The following ARHGEF4 variants were observed in gnomAD, a reference collection of about 807,000 sequenced individuals.
ARHGEF4 encodes the protein APC-stimulated guanine nucleotide exchange factor 1.
ARHGEF4 carries 119 observed loss-of-function variants against 162.0 expected under a neutral mutation model. That is an observed-to-expected ratio of 0.73 (90% CI 0.63 to 0.86). ARHGEF4 has a LOEUF of 0.86. Ranked by LOEUF, ARHGEF4 falls within the 40% of genes least tolerant of loss-of-function variation. The probability of loss-of-function intolerance (pLI) is 0.00; values close to 1 mark genes in which losing one functional copy is unlikely to be tolerated. For synonymous variants in ARHGEF4, 1,014 were observed against 979.9 expected, an observed-to-expected ratio of 1.03 and a Z score of -0.65; for missense variants, 2,488 against 2,456.0, an observed-to-expected ratio of 1.01 and a Z score of -0.28.
intron 1 of ARHGEF4, among the ~76,000 whole-genome samples, chr2:130,876,874 G>T (rs541783679): frequency 6.6e-6 from 1 of 152,256 alleles, no homozygotes; most frequent in South Asian, 2.1e-4. Context: ...TGAAGTAAAG[G>T]CTCAGCAGCT....
chr2:131,038,708 CT>C, intron 5 of ARHGEF4, 144 bp from the exon 6 acceptor site: 1 of 845,580 alleles, frequency 1.2e-6, no homozygotes, highest in Non-Finnish European at 1.8e-6. Context: ...GAAAGCCCTG[CT>C]CCTGTCAGAG....
At chr2:130,887,536 AT>A (rs1679594122) in intron 1 of ARHGEF4, among the ~76,000 whole-genome samples, 3 of 152,034 alleles carry the variant, frequency 2.0e-5, no homozygotes, top group African/African-American at 7.3e-5. Context: ...TGTCTGCAAC[AT>A]TCATCATGAT....
At position 130,917,323 on chromosome 2, in the gene ARHGEF4, T is replaced by G. The variant is rs753771925; in HGVS notation, c.3377T>G (p.Val1126Gly). Residue 1126 changes from valine (V) to glycine (G), a missense_variant, in exon 2 of 14, where the codon GTG becomes GGG. Val to Gly is a moderately radical substitution (Grantham distance 109, BLOSUM62 -3). This residue lies in a region of ARHGEF4 where 1,642 missense variants were observed against 1,481.5 expected (regional missense o/e 1.11). Coordinates refer to ENST00000409359, the MANE Select transcript of ARHGEF4 (RefSeq NM_001367493.1). ...SMVSLGSYSY[V>G]DSSSGDPERP... ...GTTTCTCTTGGAAGCTACAGCTACG[T>G]GGACAGCAGTTCAGGGGACCCTGAA... The G allele has an allele frequency of 1.4e-5, 21 of 1,550,556 alleles. No homozygotes were observed. The South Asian group carries it at 1.8e-4, about 13-fold the overall frequency.
At chr2:131,014,107 T>G (rs1174796027) in intron 4 of ARHGEF4, among the ~76,000 whole-genome samples, 2 of 152,234 alleles carry the variant, frequency 1.3e-5, no homozygotes, top group African/African-American at 4.8e-5. Flanking sequence ...GTTGTATTGA[T>G]TTGCCAAAAC....
At chr2:130,846,794 A>G (rs978460640) in intron 1 of ARHGEF4, among the ~76,000 whole-genome samples, 4 of 152,122 alleles carry the variant, frequency 2.6e-5, no homozygotes, top group African/African-American at 9.7e-5. Context: ...GGTCAGGGCA[A>G]TGCACGTTTG....
At position 131,040,002 on chromosome 2, in the gene ARHGEF4, C is replaced by T. The variant is rs1478645427; in HGVS notation, c.4306-14C>T. On this transcript the variant is annotated splice_polypyrimidine_tract_variant and intron_variant, in intron 6 of 13. Transcript: ENST00000409359. ...AGGGATGCGGGGCACTGACCGGCCA[C>T]GCATGGCCTGCAGCTGAGGGTGAAT... The T allele has an allele frequency of 6.4e-7, 1 of 1,551,288 alleles. No homozygotes were observed. The highest frequency in any genetic ancestry group is 1.4e-5 in the African/African-American group (1 of 73,092).
intron 4 of ARHGEF4, among the ~76,000 whole-genome samples, chr2:130,966,246 C>T (rs778310041): frequency 2.0e-5 from 3 of 152,204 alleles, no homozygotes; most frequent in Admixed American, 6.5e-5. Context: ...AAGACACTCC[C>T]GTGTATGCCT....
chr2:130,914,204 G>A lies in ARHGEF4; in HGVS notation c.258G>A (p.Arg86=). The A allele has an allele frequency of 2.0e-5, 30 of 1,536,040 alleles. No individual in the cohort carries two copies. Among genetic ancestry groups the A allele is most frequent in the Non-Finnish European group, 2.6e-5 (30 of 1,146,894 alleles). The stretch of plus-strand genomic sequence containing the variant: ...AGTCCTTGTCTGGGTACCTCCCGAG[G>A]GGAGTCTTCCACCCTCTAAGAGGTA... ...DTESLSGYLP[R]GVFHPLRGTP... Residue 86 remains arginine, a synonymous_variant, in exon 2 of 14, where the codon AGG becomes AGA. Coordinates refer to ENST00000409359, the MANE Select transcript of ARHGEF4 (RefSeq NM_001367493.1).
chr2:130,906,059 C>T (rs904912249), intron 1 of ARHGEF4, among the ~76,000 whole-genome samples: 6 of 152,184 alleles, frequency 3.9e-5, no homozygotes, highest in Non-Finnish European at 7.3e-5. Context: ...GTCAAGAGCT[C>T]TTTTCAGTTG....
chr2:130,867,929 T>C (rs1682405737), intron 1 of ARHGEF4, among the ~76,000 whole-genome samples: 1 of 147,932 alleles, frequency 6.8e-6, no homozygotes, highest in Admixed American at 6.7e-5. Context: ...TTTTCTTTTT[T>C]TTTTTTCTTT....
At chr2:130,973,826 A>G (rs534671587) in intron 4 of ARHGEF4, among the ~76,000 whole-genome samples, 17 of 152,356 alleles carry the variant, frequency 1.1e-4, no homozygotes, top group South Asian at 6.2e-4. Flanking sequence ...GTGAGAGAAT[A>G]GATGATTTAT....
intron 5 of ARHGEF4, among the ~76,000 whole-genome samples, chr2:131,036,142 G>C (rs888245425): frequency 3.3e-5 from 5 of 152,218 alleles, no homozygotes; most frequent in African/African-American, 1.2e-4. Context: ...AGGTGCAGCT[G>C]TGCCTACGAG....
chr2:130,901,858 C>T (rs1429221687), intron 1 of ARHGEF4, among the ~76,000 whole-genome samples: 3 of 152,176 alleles, frequency 2.0e-5, no homozygotes, highest in African/African-American at 7.2e-5. Context: ...TAAACTCTCA[C>T]ACACAAAGCC....
intron 4 of ARHGEF4, among the ~76,000 whole-genome samples, chr2:130,986,502 G>C (rs1398984394): frequency 6.6e-6 from 1 of 152,206 alleles, no homozygotes; most frequent in Non-Finnish European, 1.5e-5. Context: ...CTAGAAAGCA[G>C]CTCAGAGGGC....
chr2:130,918,072 G>A (rs1033892213), intron 2 of ARHGEF4, among the ~76,000 whole-genome samples: 1 of 151,482 alleles, frequency 6.6e-6, no homozygotes, highest in East Asian at 2.0e-4. Flanking sequence ...CACCCGCCTC[G>A]GCCGGCACTG....
At chr2:131,002,639 G>T (rs1419964942) in intron 4 of ARHGEF4, among the ~76,000 whole-genome samples, 1 of 148,310 alleles carries the variant, frequency 6.7e-6, no homozygotes, top group Non-Finnish European at 1.5e-5. Flanking sequence ...GAACCCGGGA[G>T]GCGGAGCTTG....
intron 9 of ARHGEF4, 86 bp downstream of exon 9, chr2:131,041,548 C>A: frequency 7.2e-7 from 1 of 1,380,772 alleles, no homozygotes; most frequent in Non-Finnish European, 9.9e-7. Context: ...GTGCTGGGCA[C>A]TGCTGCAGCC....
Position 130,916,002 on chromosome 2 carries a change from G to A in ARHGEF4, c.2056G>A (p.Gly686Ser), listed in dbSNP as rs1160280833. 6.4e-7 allele frequency: 1 copy of A among 1,550,492 alleles called. No individual in the cohort carries two copies. Among genetic ancestry groups the A allele is most frequent in the East Asian group, 2.4e-5 (1 of 40,906 alleles). ...TCCCACTAGGGGGAAAACACCAGCC[G>A]GTAATGAGTGTGAGTTGCCAGCAGC... ...ESPTRGKTPA[G>S]NECELPAAPI... The change falls in exon 2 of 14, where the codon GGT (glycine) becomes AGT (serine). Residue 686 changes from glycine (G) to serine (S), a missense_variant. Around this residue, in one of 6 missense-constraint regions of ARHGEF4, gnomAD observed 1,642 missense variants for 1,481.5 expected, o/e 1.11. Transcript: ENST00000409359.
At position 130,914,796 on chromosome 2, in the gene ARHGEF4, C is replaced by G. The variant is rs1236089130; in HGVS notation, c.850C>G (p.Leu284Val). 4.2e-6 allele frequency: 6 copies of G among 1,444,334 alleles called. No homozygotes were observed. Among genetic ancestry groups the G allele is most frequent in the Middle Eastern group, 2.2e-4 (1 of 4,454 alleles). The allele number at this position is 1,444,334 out of a possible 1,614,324, so 89.5% of individuals were successfully genotyped here. Residue 284 changes from leucine to valine, a missense_variant, in exon 2 of 14, where the codon CTC (leucine) becomes GTC (valine). Leu to Val is a conservative substitution (Grantham distance 32). This residue lies in a region of ARHGEF4 where 1,642 missense variants were observed against 1,481.5 expected (regional missense o/e 1.11). Coordinates refer to ENST00000409359, the MANE Select transcript of ARHGEF4 (RefSeq NM_001367493.1). ...AGGCCCTGCAGGGGACACAGAATTG[C>G]TCTGGTCCCAGCCCCACTCGGATGT... ...TLGPAGDTELLWSQPHSDVPC... is the reference protein window; with the variant it reads ...TLGPAGDTELVWSQPHSDVPC...
Sources: allele counts gnomAD v4.1 joint callset (sites outside exome capture counted in the v4.1 genomes callset), GRCh38; gene constraint gnomAD v4.1.1; regional missense constraint gnomAD v4.1.1; transcripts MANE v1.5; gene names NCBI Gene and HGNC (gene_info 2026-07-23, HGNC 2026-07-21).